The following CSMD1 variants were observed in gnomAD, a reference collection of about 807,000 sequenced individuals.
The protein encoded by CSMD1 is CUB and sushi domain-containing protein 1.
Under a neutral mutation model 417.5 loss-of-function variants are expected in CSMD1, and 213 were observed. The observed-to-expected ratio is 0.51, with a 90% CI of 0.46 to 0.57. CSMD1 has a LOEUF of 0.57. Among genes scored for constraint, CSMD1 ranks in the 20% least tolerant of loss-of-function variants. The probability of loss-of-function intolerance (pLI) is 0.00; values close to 1 mark genes in which losing one functional copy is unlikely to be tolerated. For missense variants in CSMD1, 6,923 were observed against 4,529.7 expected (o/e 1.53, Z -15.17); for synonymous variants, 2,862 against 1,736.8 (o/e 1.65, Z -16.11).
At chr8:3,338,679 G>A (rs1169382555) in intron 23 of CSMD1, among the ~76,000 whole-genome samples, 1 of 152,178 alleles carries the variant, frequency 6.6e-6, no homozygotes, top group East Asian at 1.9e-4. Context: ...CTTCTGCAGG[G>A]TGCATCCTGA....
At chr8:3,094,043 T>G (rs1408610870) in intron 47 of CSMD1, among the ~76,000 whole-genome samples, 1 of 152,324 alleles carries the variant, frequency 6.6e-6, no homozygotes. Context: ...TATTTTGAAA[T>G]GTCATTTTTA....
At chr8:4,558,947 T>C (rs985674504) in intron 2 of CSMD1, among the ~76,000 whole-genome samples, 1 of 151,824 alleles carries the variant, frequency 6.6e-6, no homozygotes, top group African/African-American at 2.4e-5. Flanking sequence ...TTTTCTGACC[T>C]CCTGTATTTG....
chr8:2,939,352 A>T (rs571146081), intron 69 of CSMD1, among the ~76,000 whole-genome samples: 1 of 152,198 alleles, frequency 6.6e-6, no homozygotes. Context: ...TATTCACAAA[A>T]AGTTATTTTT....
At chr8:4,105,305 C>G (rs1252329230) in intron 3 of CSMD1, among the ~76,000 whole-genome samples, 1 of 151,168 alleles carries the variant, frequency 6.6e-6, no homozygotes, top group Non-Finnish European at 1.5e-5. Context: ...CATTTCATTG[C>G]TTTAGTGATC....
intron 5 of CSMD1, among the ~76,000 whole-genome samples, chr8:3,870,128 A>G (rs1455656485): frequency 3.9e-5 from 6 of 152,186 alleles, no homozygotes; most frequent in African/African-American, 1.4e-4. Context: ...AGGTAGAATA[A>G]AAACAGAGAT....
chr8:4,429,740 A>C (rs1444259094), intron 2 of CSMD1, among the ~76,000 whole-genome samples: 1 of 152,130 alleles, frequency 6.6e-6, no homozygotes. Flanking sequence ...TGTAACCCAC[A>C]GCCGTATGCT....
chr8:3,053,045 G>C (rs1811971885), intron 49 of CSMD1, among the ~76,000 whole-genome samples: 1 of 152,166 alleles, frequency 6.6e-6, no homozygotes, highest in Admixed American at 6.5e-5. Context: ...GCCTCCCAAA[G>C]TGCTGGGATT....
intron 6 of CSMD1, among the ~76,000 whole-genome samples, chr8:3,737,217 ATT>A (rs1383149314): frequency 1.5e-5 from 2 of 134,884 alleles, no homozygotes; most frequent in African/African-American, 5.3e-5. Flanking sequence ...AGAAATTATC[ATT>A]GATTTTTTGC....
chr8:4,424,074 T>G (rs1343783704), intron 2 of CSMD1, among the ~76,000 whole-genome samples: 1 of 151,972 alleles, frequency 6.6e-6, no homozygotes, highest in Non-Finnish European at 1.5e-5. Context: ...AAATGTAAAA[T>G]GTAAAGCAAT....
chr8:3,333,856 C>G (rs191156146), intron 23 of CSMD1, among the ~76,000 whole-genome samples: 2 of 152,314 alleles, frequency 1.3e-5, no homozygotes, highest in South Asian at 2.1e-4. Flanking sequence ...TACTTTAAAA[C>G]AGCAATGCTT....
chr8:4,178,842 A>T (rs1343808957), intron 3 of CSMD1, among the ~76,000 whole-genome samples: 1 of 152,206 alleles, frequency 6.6e-6, no homozygotes, highest in South Asian at 2.1e-4. Flanking sequence ...TTCAAAGAGA[A>T]TAAAATACTT....
intron 3 of CSMD1, among the ~76,000 whole-genome samples, chr8:4,043,579 T>G (rs895418339): frequency 1.3e-5 from 2 of 152,148 alleles, no homozygotes; most frequent in African/African-American, 2.4e-5. Flanking sequence ...CTGGCCGCCT[T>G]GAGGGGGAAA....
intron 5 of CSMD1, among the ~76,000 whole-genome samples, chr8:3,754,433 CTTAT>C (rs34887868): frequency 0.041 from 6,038 of 145,516 alleles, 254 homozygotes; most frequent in East Asian, 0.14. Context: ...TTAGTAATTC[CTTAT>C]TTATTTATTT....
chr8:4,815,348 T>G (rs900678614), intron 1 of CSMD1, among the ~76,000 whole-genome samples: 7 of 152,128 alleles, frequency 4.6e-5, no homozygotes, highest in African/African-American at 1.7e-4. Context: ...AGTCCCACTG[T>G]GGACAGAGCC....
intron 23 of CSMD1, 113 bp from the exon 24 acceptor site, chr8:3,308,616 A>T: frequency 2.6e-6 from 2 of 758,332 alleles, no homozygotes; most frequent in Admixed American, 5.3e-5. Flanking sequence ...GGGAGAAAAA[A>T]GGAGATTGTG....
intron 46 of CSMD1, among the ~76,000 whole-genome samples, chr8:3,100,120 C>T (rs746531447): frequency 9.9e-5 from 15 of 152,100 alleles, no homozygotes; most frequent in Non-Finnish European, 1.8e-4. Context: ...GGCAGGATCA[C>T]GGCTCACTGC....
intron 21 of CSMD1, 84 bp downstream of exon 21, chr8:3,359,068 C>A: frequency 7.3e-7 from 1 of 1,361,018 alleles, no homozygotes; most frequent in Non-Finnish European, 1.0e-6. Flanking sequence ...CAAACCCCCA[C>A]CCGACCCCGA....
At position 3,884,097 on chromosome 8, in the gene CSMD1, G is replaced by T. The variant is rs150152874; in HGVS notation, c.818+113806C>A. Among the ~76,000 whole-genome samples the T allele has an allele frequency of 4.1e-3, 626 of 152,150 alleles. 6 individuals are homozygous for T. Among genetic ancestry groups the T allele is most frequent in the African/African-American group, 0.014 (598 of 41,528 alleles). ...TTATTTTCCAATAAAGGTAAACAGCGAATTGAAAAGTAATTAACAATGTCA... is the reference window on the plus strand; with the variant it reads ...TTATTTTCCAATAAAGGTAAACAGCTAATTGAAAAGTAATTAACAATGTCA... On this transcript the variant is annotated intron_variant, in intron 5 of 69. Coordinates refer to ENST00000635120, the MANE Select transcript of CSMD1 (RefSeq NM_033225.6).
intron 3 of CSMD1, among the ~76,000 whole-genome samples, chr8:4,377,777 G>T (rs982546578): frequency 1.2e-4 from 18 of 152,058 alleles, no homozygotes; most frequent in Non-Finnish European, 1.5e-5. Context: ...AGAATTTTTG[G>T]CACCTTTAAA....
Sources: allele counts gnomAD v4.1 joint callset (sites outside exome capture counted in the v4.1 genomes callset), GRCh38; gene constraint gnomAD v4.1.1; transcripts MANE v1.5; gene names NCBI Gene and HGNC (gene_info 2026-07-23, HGNC 2026-07-21).